KALRN: variants seen among roughly 807,000 people sequenced by gnomAD.
KALRN encodes kalirin RhoGEF kinase, also known as kalirin.
A neutral mutation model predicts 353.7 loss-of-function variants in KALRN; 70 were observed. That is an observed-to-expected ratio of 0.20 (90% CI 0.16 to 0.24). The LOEUF (loss-of-function observed/expected upper bound fraction) is 0.24, where lower values mean the gene tolerates loss of function less well. Among genes scored for constraint, KALRN ranks in the 10% least tolerant of loss-of-function variants. The probability of loss-of-function intolerance (pLI) is 1.00; values close to 1 mark genes in which losing one functional copy is unlikely to be tolerated. For synonymous variants in KALRN, 1,391 were observed against 1,434.8 expected, an observed-to-expected ratio of 0.97 and a Z score of 0.69; for missense variants, 2,791 against 3,756.7, an observed-to-expected ratio of 0.74 and a Z score of 6.72.
intron 51 of KALRN, among the ~76,000 whole-genome samples, chr3:124,692,237 A>G (rs1346070483): frequency 6.6e-6 from 1 of 152,220 alleles, no homozygotes; most frequent in African/African-American, 2.4e-5. Context: ...GCAGAGGTGT[A>G]AGTGGTCTTT....
chr3:124,421,005 T>C (rs2092755446), intron 14 of KALRN, among the ~76,000 whole-genome samples: 1 of 152,220 alleles, frequency 6.6e-6, no homozygotes, highest in Non-Finnish European at 1.5e-5. Context: ...GTGACTTATC[T>C]GCTGGGCTTT....
chr3:124,219,719 T>G (rs1400051767), intron 1 of KALRN, among the ~76,000 whole-genome samples: 7 of 152,096 alleles, frequency 4.6e-5, no homozygotes, highest in Non-Finnish European at 8.8e-5. Context: ...GGGATGCTCC[T>G]TGGTCCATTT....
At chr3:124,232,889 A>G (rs921147488) in intron 2 of KALRN, among the ~76,000 whole-genome samples, 3 of 152,180 alleles carry the variant, frequency 2.0e-5, no homozygotes, top group Non-Finnish European at 4.4e-5. Flanking sequence ...AGGGAAAAAA[A>G]AAAGCAGAAA....
chr3:124,191,861 A>G (rs1488302085), intron 1 of KALRN, among the ~76,000 whole-genome samples: 1 of 152,212 alleles, frequency 6.6e-6, no homozygotes, highest in Non-Finnish European at 1.5e-5. Flanking sequence ...TGAAGCCACC[A>G]CAGCCAATCT....
chr3:124,092,458 G>A (rs1401301442), intron 1 of KALRN, among the ~76,000 whole-genome samples: 1 of 152,226 alleles, frequency 6.6e-6, no homozygotes, highest in Non-Finnish European at 1.5e-5. Context: ...TTATAAGTCA[G>A]GGGCCAAAGA....
chr3:124,548,389 A>G (rs1439716759), intron 33 of KALRN, among the ~76,000 whole-genome samples: 2 of 152,158 alleles, frequency 1.3e-5, no homozygotes, highest in African/African-American at 4.8e-5. Flanking sequence ...TTAAATCTTA[A>G]ATCTAGCCCA....
intron 33 of KALRN, among the ~76,000 whole-genome samples, chr3:124,539,504 G>C (rs2068811395): frequency 6.6e-6 from 1 of 152,174 alleles, no homozygotes; most frequent in Non-Finnish European, 1.5e-5. Flanking sequence ...AGACGCACCT[G>C]CACACCCCTG....
chr3:124,539,922 TG>T (rs35035103), intron 33 of KALRN, among the ~76,000 whole-genome samples: 36 of 131,998 alleles, frequency 2.7e-4, no homozygotes, highest in South Asian at 4.9e-4. Flanking sequence ...TAATTTTTTT[TG>T]GGGGGGGGGA....
At chr3:124,368,395 G>A (rs2085307510) in intron 10 of KALRN, among the ~76,000 whole-genome samples, 2 of 148,644 alleles carry the variant, frequency 1.3e-5, no homozygotes, top group African/African-American at 5.0e-5. Flanking sequence ...GGTCGCGGCC[G>A]GGCAGAGGCG....
rs1359782681 is a variant in KALRN at position 124,479,838 on chromosome 3, C to T, written c.4191+2504C>T. The stretch of plus-strand genomic sequence containing the variant: ...TCCTGGGTTCACGCCATTCTCCCTC[C>T]TCAGCCTCCCGAGTAGCTGGGACTA... On this transcript the variant is annotated intron_variant, in intron 27 of 59. Transcript: ENST00000682506. 4.6e-5 allele frequency among the ~76,000 whole-genome samples: 7 copies of T among 151,560 alleles called. No homozygotes were observed. The East Asian group carries it at 1.4e-3, about 29-fold the overall frequency.
chr3:124,597,795 AAAC>A (rs1205751850), intron 34 of KALRN, among the ~76,000 whole-genome samples: 1 of 142,012 alleles, frequency 7.0e-6, no homozygotes, highest in Non-Finnish European at 1.6e-5. Context: ...GATTAAAAAA[AAAC>A]TTTTGGAGCT....
intron 10 of KALRN, among the ~76,000 whole-genome samples, chr3:124,348,732 T>A (rs1458307005): frequency 6.6e-6 from 1 of 152,212 alleles, no homozygotes; most frequent in East Asian, 1.9e-4. Flanking sequence ...AAACAGATTT[T>A]TTTTTGAGAC....
intron 1 of KALRN, among the ~76,000 whole-genome samples, chr3:124,058,423 G>T (rs1261398160): frequency 6.6e-6 from 1 of 152,054 alleles, no homozygotes; most frequent in Non-Finnish European, 1.5e-5. Context: ...GGGCCAAAGG[G>T]TCTTTCTGGC....
rs1009106186 is a variant in KALRN at position 124,496,452 on chromosome 3, T to C, written c.4935+39T>C. The C allele has an allele frequency of 6.1e-6, 9 of 1,464,276 alleles. No individual in the cohort carries two copies. The East Asian group carries it at 6.8e-5, about 11-fold the overall frequency. 90.7% of individuals were successfully genotyped at this position (1,464,276 alleles called of 1,614,324 possible). ...CTAACCTTCCTTCCCCTGAGACTTC[T>C]TGATGGCTCAACCACCCCTGGAGAG... On this transcript the variant is annotated intron_variant, in intron 33 of 59. Transcript: ENST00000682506.
At chr3:124,616,703 T>C (rs547693297) in intron 34 of KALRN, among the ~76,000 whole-genome samples, 46 of 152,296 alleles carry the variant, frequency 3.0e-4, no homozygotes, top group African/African-American at 1.1e-3. Flanking sequence ...CGGTAGCTCA[T>C]GCCTGTAATC....
chr3:124,571,723 C>T (rs1478282089), intron 34 of KALRN, among the ~76,000 whole-genome samples: 2 of 151,910 alleles, frequency 1.3e-5, no homozygotes, highest in Non-Finnish European at 2.9e-5. Context: ...CAGGGCCTCA[C>T]TCTGTTGCCC....
At chr3:124,238,026 GA>G (rs1029881063) in intron 3 of KALRN, among the ~76,000 whole-genome samples, 4 of 152,122 alleles carry the variant, frequency 2.6e-5, no homozygotes, top group Non-Finnish European at 5.9e-5. Context: ...AAATGAATAG[GA>G]AGAAATAGTC....
chr3:124,545,834 T>C (rs1435499655), intron 33 of KALRN, among the ~76,000 whole-genome samples: 1 of 152,214 alleles, frequency 6.6e-6, no homozygotes, highest in African/African-American at 2.4e-5. Flanking sequence ...TAAAGGAACA[T>C]TATTTTAGAT....
At chr3:124,456,798 C>G (rs1309286315) in intron 23 of KALRN, 70 bp downstream of exon 23, 5 of 986,032 alleles carry the variant, frequency 5.1e-6, no homozygotes, top group Non-Finnish European at 7.9e-6. Context: ...CTACTTGTCC[C>G]TTTGGATAGC....
Sources: gnomAD v4.1 joint callset for allele counts (sites outside exome capture counted in the v4.1 genomes callset) on GRCh38, gnomAD v4.1.1 for gene constraint, MANE v1.5 for transcripts, NCBI Gene and HGNC (gene_info 2026-07-23, HGNC 2026-07-21) for gene names.